NAALADL2: variants seen among roughly 807,000 people sequenced by gnomAD.
NAALADL2 encodes inactive N-acetylated-alpha-linked acidic dipeptidase-like protein 2.
Under a neutral mutation model 87.2 loss-of-function variants are expected in NAALADL2, and 76 were observed. That is an observed-to-expected ratio of 0.87 (90% CI 0.72 to 1.05). NAALADL2 has a LOEUF of 1.05. Among genes scored for constraint, NAALADL2 ranks in the 50% least tolerant of loss-of-function variants. NAALADL2 has a pLI of 0.00. For synonymous variants in NAALADL2, 354 were observed against 331.0 expected, an observed-to-expected ratio of 1.07 and a Z score of -0.75; for missense variants, 1,089 against 945.8, an observed-to-expected ratio of 1.15 and a Z score of -1.99.
At chr3:175,514,221 C>T (rs7636476) in intron 9 of NAALADL2, among the ~76,000 whole-genome samples, 12,452 of 152,152 alleles carry the variant, frequency 0.082, 752 homozygotes, top group African/African-American at 0.17. Context: ...ATTTTTCTCT[C>T]ATACTTTTCT....
intron 2 of NAALADL2, among the ~76,000 whole-genome samples, chr3:175,189,378 G>A (rs1292974715): frequency 1.3e-5 from 2 of 152,032 alleles, no homozygotes; most frequent in African/African-American, 2.4e-5. Flanking sequence ...AATAAATTCA[G>A]TAAAGTTGCA....
At position 174,602,335 on chromosome 3, in the gene NAALADL2, T is replaced by C. The variant is rs184001189; in HGVS notation, c.-115+51698T>C. The stretch of plus-strand genomic sequence containing the variant: ...ATAGTAGAGAACTTTCTTTCTTTGG[T>C]TAACTTAATTCCTAGGTATTTAATT... On this transcript the variant is annotated intron_variant, in intron 2 of 3. Transcript: ENST00000434257. Among the ~76,000 whole-genome samples the C allele has an allele frequency of 3.8e-4, 58 of 152,170 alleles. No homozygotes were observed. The Middle Eastern group carries it at 0.01, about 27-fold the overall frequency.
At position 175,755,270 on chromosome 3, in the gene NAALADL2, G is replaced by C; in HGVS notation, c.2041G>C (p.Glu681Gln). The change falls in exon 13 of 14, where the codon GAG becomes CAG. Residue 681 changes from glutamate to glutamine, a missense_variant. By Grantham distance (29) the Glu-to-Gln change is conservative. Transcript: ENST00000454872. ...GTTAGCCATGGCGTTACGCCTGCGGGAGAGTGCTGAACTTTTTCAGTCTGA... is the reference window on the plus strand; with the variant it reads ...GTTAGCCATGGCGTTACGCCTGCGGCAGAGTGCTGAACTTTTTCAGTCTGA... Reference protein sequence around the residue: ...QLLAMALRLRESAELFQSDEM... With the variant: ...QLLAMALRLRQSAELFQSDEM... 3.1e-6 allele frequency: 5 copies of C among 1,613,610 alleles called. No individual in the cohort carries two copies. The highest frequency in any genetic ancestry group is 4.2e-6 in the Non-Finnish European group (5 of 1,179,762).
intron 1 of NAALADL2, among the ~76,000 whole-genome samples, chr3:174,922,954 CT>C (rs1366475448): frequency 6.6e-6 from 1 of 151,902 alleles, no homozygotes; most frequent in Non-Finnish European, 1.5e-5. Context: ...TTTTAAAGTT[CT>C]TATCTTTCCC....
chr3:175,036,804 C>CTTTTTTT (rs10662446), intron 1 of NAALADL2, among the ~76,000 whole-genome samples: 6 of 117,356 alleles, frequency 5.1e-5, no homozygotes, highest in African/African-American at 1.3e-4. Flanking sequence ...TCCATCTGTT[C>CTTTTTTT]TTTTTTTTTT....
chr3:175,497,642 C>T (rs928221252), intron 9 of NAALADL2, among the ~76,000 whole-genome samples: 5 of 151,764 alleles, frequency 3.3e-5, no homozygotes, highest in Admixed American at 1.3e-4. Flanking sequence ...TTCTCAAGGT[C>T]GGTACTGTTC....
chr3:174,604,777 T>A (rs553329236), intron 2 of NAALADL2, among the ~76,000 whole-genome samples: 289 of 150,268 alleles, frequency 1.9e-3, no homozygotes, highest in African/African-American at 6.6e-3. Flanking sequence ...TTTCTTTTCT[T>A]TTTTTTTTTG....
intron 2 of NAALADL2, among the ~76,000 whole-genome samples, chr3:174,649,946 C>T (rs1271971233): frequency 6.6e-6 from 1 of 151,932 alleles, no homozygotes; most frequent in Non-Finnish European, 1.5e-5. Flanking sequence ...TTGCACTTCT[C>T]TTGAGAAGTA....
chr3:174,584,715 G>A (rs1323579372), intron 2 of NAALADL2, among the ~76,000 whole-genome samples: 4 of 152,048 alleles, frequency 2.6e-5, no homozygotes, highest in Non-Finnish European at 5.9e-5. Context: ...AATCCGGTTT[G>A]CTACTGTGAG....
chr3:175,773,445 C>G (rs1231251955), intron 13 of NAALADL2: 6 of 152,032 alleles, frequency 3.9e-5, no homozygotes, highest in Non-Finnish European at 7.4e-5. Flanking sequence ...ATTCAGTTTT[C>G]TTCTACCTCT....
intron 9 of NAALADL2, among the ~76,000 whole-genome samples, chr3:175,489,752 C>T (rs1413369719): frequency 1.3e-5 from 2 of 152,154 alleles, no homozygotes; most frequent in Non-Finnish European, 2.9e-5. Context: ...ATGGGATACA[C>T]AGTCTTCTAC....
chr3:174,757,697 G>A (rs1213229383), intron 3 of NAALADL2, among the ~76,000 whole-genome samples: 2 of 151,742 alleles, frequency 1.3e-5, no homozygotes, highest in African/African-American at 4.8e-5. Flanking sequence ...TAGAGACAGG[G>A]TTTCACCATA....
At chr3:175,487,624 T>C (rs1727487058) in intron 9 of NAALADL2, 1 of 421,108 alleles carries the variant, frequency 2.4e-6, no homozygotes, top group Non-Finnish European at 4.7e-6. Context: ...TAATAACCTA[T>C]GAAGATATTA....
chr3:175,737,345 G>C lies in NAALADL2; in HGVS notation c.1936G>C (p.Val646Leu), dbSNP rs781765335. The change falls in exon 12 of 14, where the codon GTT (valine) becomes CTT (leucine). Residue 646 changes from valine (V) to leucine (L), a missense_variant. Coordinates refer to ENST00000454872, the MANE Select transcript of NAALADL2 (RefSeq NM_207015.3). ...GATTTTGCAAATTGCCAACGAACCTGTTCTGCCCTTTAATGCACTTGATAT... is the reference window on the plus strand; with the variant it reads ...GATTTTGCAAATTGCCAACGAACCTCTTCTGCCCTTTAATGCACTTGATAT... The part of the protein sequence containing the change: ...EVILQIANEP[V>L]LPFNALDIAL... 6.2e-7 allele frequency: 1 copy of C among 1,612,646 alleles called. No individual in the cohort carries two copies. Among genetic ancestry groups the C allele is most frequent in the East Asian group, 2.2e-5 (1 of 44,816 alleles).
intron 13 of NAALADL2, among the ~76,000 whole-genome samples, chr3:175,760,374 G>A (rs554622115): frequency 1.3e-5 from 2 of 152,208 alleles, no homozygotes; most frequent in Non-Finnish European, 2.9e-5. Flanking sequence ...TGTTTTCAAG[G>A]GGACATCTAA....
intron 4 of NAALADL2, among the ~76,000 whole-genome samples, chr3:175,269,631 TA>T (rs1172895874): frequency 1.3e-5 from 2 of 152,230 alleles, no homozygotes; most frequent in Non-Finnish European, 2.9e-5. Flanking sequence ...CTTATCTTCC[TA>T]AAAATTCCTG....
At chr3:175,180,242 G>T (rs1736268806) in intron 2 of NAALADL2, among the ~76,000 whole-genome samples, 1 of 151,710 alleles carries the variant, frequency 6.6e-6, no homozygotes, top group Admixed American at 6.6e-5. Context: ...AAATAAAAAA[G>T]TCAGAACAAA....
chr3:174,752,311 G>A (rs1734916266), intron 3 of NAALADL2, among the ~76,000 whole-genome samples: 2 of 152,194 alleles, frequency 1.3e-5, no homozygotes, highest in South Asian at 4.1e-4. Flanking sequence ...TTTCCAGTGA[G>A]ACCATCTTGG....
rs539113686 is a variant in NAALADL2 at position 175,236,937 on chromosome 3, T to A, written c.819+2733T>A. On this transcript the variant is annotated intron_variant, in intron 3 of 13. Coordinates refer to ENST00000454872, the MANE Select transcript of NAALADL2 (RefSeq NM_207015.3). ...TATTTTCTTTATTCTTTCACACTTC[T>A]GCAATTAGATAGCCTCACCTTCAAG... is the stretch of plus-strand genomic sequence containing the variant. 7.9e-5 allele frequency among the ~76,000 whole-genome samples: 12 copies of A among 152,322 alleles called. No individual in the cohort carries two copies. The East Asian group carries it at 2.3e-3, about 29-fold the overall frequency.
Sources: gnomAD v4.1 joint callset for allele counts (sites outside exome capture counted in the v4.1 genomes callset) on GRCh38, gnomAD v4.1.1 for gene constraint, MANE v1.5 for transcripts, NCBI Gene and HGNC (gene_info 2026-07-23, HGNC 2026-07-21) for gene names.